Variants in SNRNP40 observed in about 807,000 individuals in gnomAD.
SNRNP40 encodes the protein small nuclear ribonucleoprotein U5 subunit 40.
SNRNP40 carries 21 observed loss-of-function variants against 45.8 expected under a neutral mutation model. The ratio of observed to expected loss-of-function variants is 0.46; its 90% confidence interval spans 0.32 to 0.66. The LOEUF (loss-of-function observed/expected upper bound fraction) is 0.66, where lower values mean the gene tolerates loss of function less well. SNRNP40 is among the 30% of genes least tolerant of loss of function. The probability of loss-of-function intolerance (pLI) is 0.03; values close to 1 mark genes in which losing one functional copy is unlikely to be tolerated. For missense variants in SNRNP40, 344 were observed against 439.1 expected (o/e 0.78, Z 1.94); for synonymous variants, 142 against 163.8 (o/e 0.87, Z 1.01).
At chr1:31,260,691 G>A (rs1169266215) in intron 9 of SNRNP40, among the ~76,000 whole-genome samples, 3 of 151,108 alleles carry the variant, frequency 2.0e-5, no homozygotes, top group Admixed American at 1.3e-4. Flanking sequence ...GTGAAACCTC[G>A]TCTCTACTAA....
chr1:31,280,216 T>G (rs1174306341), intron 5 of SNRNP40, among the ~76,000 whole-genome samples: 2 of 141,880 alleles, frequency 1.4e-5, no homozygotes, highest in Non-Finnish European at 3.0e-5. Flanking sequence ...CAGGCTGGAG[T>G]GCAGTGGCGT....
At chr1:31,291,288 C>CAAAAAAAAGA (rs1646105854) in intron 3 of SNRNP40, among the ~76,000 whole-genome samples, 1 of 128,664 alleles carries the variant, frequency 7.8e-6, no homozygotes, top group African/African-American at 2.9e-5. Flanking sequence ...AATTCCGTCT[C>CAAAAAAAAGA]AAAAAAAAAA....
At chr1:31,284,668 A>G (rs1459686941) in intron 4 of SNRNP40, among the ~76,000 whole-genome samples, 1 of 152,222 alleles carries the variant, frequency 6.6e-6, no homozygotes, top group Non-Finnish European at 1.5e-5. Flanking sequence ...AAAGAAAGGA[A>G]TCAGCCATGG....
rs375493065 is a variant in SNRNP40, at chr1:31,290,459, T to C, written c.366-1040A>G. Among the ~76,000 whole-genome samples, 11 of 152,326 alleles carry C rather than the reference T, an allele frequency of 7.2e-5. No individual in the cohort carries two copies. In the East Asian group the frequency reaches 9.6e-4, roughly 13 times the overall value. On this transcript the variant is annotated intron_variant, in intron 3 of 9. Coordinates refer to ENST00000263694, the MANE Select transcript of SNRNP40 (RefSeq NM_004814.3). ...AGACTACCTAACAATGTAATTACTT[T>C]TGTATAGCCAGATTTCTATATTATC...
chr1:31,278,591 C>T, intron 5 of SNRNP40, among the ~76,000 whole-genome samples: 1 of 152,160 alleles, frequency 6.6e-6, no homozygotes, highest in Non-Finnish European at 1.5e-5. Context: ...AAATATTGTG[C>T]ACAGCTATTA....
intron 1 of SNRNP40, among the ~76,000 whole-genome samples, chr1:31,295,096 G>A (rs556344564): frequency 6.6e-6 from 1 of 152,220 alleles, no homozygotes; most frequent in East Asian, 1.9e-4. Flanking sequence ...ATGTGCTATA[G>A]AGCAAAAGAA....
At chr1:31,293,144 TG>T in intron 2 of SNRNP40, 74 bp downstream of exon 2, 1 of 1,527,966 alleles carries the variant, frequency 6.5e-7, no homozygotes, top group Non-Finnish European at 9.0e-7. Flanking sequence ...ATACCTTCTG[TG>T]GCACCCAAGA....
intron 5 of SNRNP40, among the ~76,000 whole-genome samples, chr1:31,277,034 CA>C (rs536445704): frequency 2.0e-4 from 28 of 139,134 alleles, no homozygotes; most frequent in Admixed American, 2.9e-4. Flanking sequence ...AACTCCGTCT[CA>C]AAAAAAAAAA....
intron 5 of SNRNP40, among the ~76,000 whole-genome samples, chr1:31,279,603 C>T (rs1646001233): frequency 6.6e-6 from 1 of 151,814 alleles, no homozygotes; most frequent in African/African-American, 2.4e-5. Context: ...CAAAATTAGC[C>T]AGGCATGGTG....
At chr1:31,291,252 C>T (rs1646105381) in intron 3 of SNRNP40, among the ~76,000 whole-genome samples, 1 of 139,918 alleles carries the variant, frequency 7.1e-6, no homozygotes, top group South Asian at 2.2e-4. Context: ...CGTGCCATTG[C>T]ACTCCAGCCT....
rs1346941838 is a variant in SNRNP40 at position 31,259,666 on chromosome 1, A to C, written c.*406T>G. On this transcript the variant is annotated 3_prime_UTR_variant, in exon 10 of 10. Transcript: ENST00000263694. Reference sequence around the variant, plus strand: ...AAAAAGACAGCAATAAATCCAATCCACATGGCTCTTGTAAAAAGGCATCTA... The same window carrying C: ...AAAAAGACAGCAATAAATCCAATCCCCATGGCTCTTGTAAAAAGGCATCTA... 2 of 420,138 alleles carry C rather than the reference A, an allele frequency of 4.8e-6. No homozygotes were observed. The highest frequency in any genetic ancestry group is 9.1e-6 in the Non-Finnish European group (2 of 220,050). The allele number at this position is 420,138 out of a possible 1,614,324, so 26.0% of individuals were successfully genotyped here.
At chr1:31,266,318 T>G (rs1468581166) in intron 8 of SNRNP40, among the ~76,000 whole-genome samples, 1 of 152,156 alleles carries the variant, frequency 6.6e-6, no homozygotes, top group Non-Finnish European at 1.5e-5. Flanking sequence ...GGTGCTTGTT[T>G]CAGTAGGATT....
At chr1:31,294,714 C>A (rs1053816693) in intron 1 of SNRNP40, among the ~76,000 whole-genome samples, 1 of 151,992 alleles carries the variant, frequency 6.6e-6, no homozygotes. Context: ...CTGAGGTGGG[C>A]GGATCACTTG....
chr1:31,265,762 C>T (rs887997662), intron 8 of SNRNP40, among the ~76,000 whole-genome samples: 28 of 152,176 alleles, frequency 1.8e-4, no homozygotes, highest in African/African-American at 6.5e-4. Flanking sequence ...ATGGTGTAAA[C>T]CCAGGAGGTG....
At position 31,296,723 on chromosome 1, in the gene SNRNP40, G is replaced by A. The variant is rs1362616196; in HGVS notation, c.29C>T (p.Pro10Leu). MIEQQKRKG[P>L]ELPLVPVKRQ... The stretch of plus-strand genomic sequence containing the variant: ...CTTGACTGGAACCAGCGGCAACTCT[G>A]GGCCCTTACGCTTCTGCTGTTCTAT... The change falls in exon 1 of 10, where the codon CCA becomes CTA. Residue 10 changes from proline to leucine, a missense_variant. Transcript: ENST00000263694. 1.2e-6 allele frequency: 2 copies of A among 1,612,748 alleles called. No homozygotes were observed. Among genetic ancestry groups the A allele is most frequent in the Non-Finnish European group, 1.7e-6 (2 of 1,179,412 alleles).
chr1:31,280,384 G>A (rs1269438032), intron 5 of SNRNP40, among the ~76,000 whole-genome samples: 2 of 151,702 alleles, frequency 1.3e-5, no homozygotes, highest in Non-Finnish European at 2.9e-5. Context: ...GGACGGTCTC[G>A]GTCTCCTGAC....
chr1:31,268,646 C>A (rs1456837166), intron 7 of SNRNP40, among the ~76,000 whole-genome samples: 2 of 152,156 alleles, frequency 1.3e-5, no homozygotes, highest in African/African-American at 2.4e-5. Flanking sequence ...TTAACAAATT[C>A]TCTGAGGGGA....
Position 31,293,340 on chromosome 1 carries a change from T to C in SNRNP40, c.150A>G (p.Pro50=). The change falls in exon 2 of 10, where the codon CCA becomes CCG. Residue 50 remains proline (P), a synonymous_variant. Transcript: ENST00000263694. ...TTGGGGCTTGAAGGGAGGAACATCTTGGAGGTCCCTAAACAAAAGAGAAGC... is the reference window on the plus strand; with the variant it reads ...TTGGGGCTTGAAGGGAGGAACATCTCGGAGGTCCCTAAACAAAAGAGAAGC... ...TPGALLQAGP[P]RCSSLQAPIM... 6.2e-7 allele frequency: 1 copy of C among 1,608,406 alleles called. No individual in the cohort carries two copies. Among genetic ancestry groups the C allele is most frequent in the Non-Finnish European group, 8.5e-7 (1 of 1,178,252 alleles).
intron 7 of SNRNP40, 93 bp from the exon 8 acceptor site, chr1:31,268,025 G>C (rs1645911561): frequency 2.5e-6 from 2 of 796,192 alleles, no homozygotes; most frequent in East Asian, 5.2e-5. Context: ...TTCCTAACTA[G>C]AGTTTTAATT....
Sources: gnomAD v4.1 joint callset for allele counts (sites outside exome capture counted in the v4.1 genomes callset) on GRCh38, gnomAD v4.1.1 for gene constraint, MANE v1.5 for transcripts, NCBI Gene and HGNC (gene_info 2026-07-23, HGNC 2026-07-21) for gene names.